Variants in ST8SIA1 observed in about 807,000 individuals in gnomAD.
ST8SIA1 encodes the protein ST8 alpha-N-acetyl-neuraminide alpha-2,8-sialyltransferase 1.
In ST8SIA1, 16 loss-of-function variants were observed where a neutral mutation model predicts 35.9. The ratio of observed to expected loss-of-function variants is 0.45; its 90% CI spans 0.30 to 0.68. The LOEUF is 0.68. ST8SIA1 is among the 30% of genes least tolerant of loss of function. The probability of loss-of-function intolerance (pLI) is 0.09; values close to 1 mark genes in which losing one functional copy is unlikely to be tolerated. For missense variants in ST8SIA1, 383 were observed against 453.6 expected, an observed-to-expected ratio of 0.84 and a Z score of 1.41; for synonymous variants, 170 against 169.6, an observed-to-expected ratio of 1.00 and a Z score of -0.02.
intron 2 of ST8SIA1, among the ~76,000 whole-genome samples, chr12:22,280,593 T>G (rs1255560799): frequency 6.6e-6 from 1 of 152,254 alleles, no homozygotes; most frequent in Non-Finnish European, 1.5e-5. Flanking sequence ...AGCATTCCTT[T>G]ATTTTTCATT....
Position 22,334,481 on chromosome 12 carries a change from T to C in ST8SIA1, c.-249A>G, listed in dbSNP as rs1329390825. 5.5e-6 allele frequency: 3 copies of C among 543,424 alleles called. No individual in the cohort carries two copies. The highest frequency in any genetic ancestry group is 9.9e-6 in the Non-Finnish European group (3 of 303,664). 33.7% of individuals were successfully genotyped at this position (543,424 alleles called of 1,614,324 possible). A position where few individuals can be genotyped will look rare whatever the true frequency, so the allele number is the denominator to read the frequency against. Reference sequence around the variant, plus strand: ...GGGGTGAAGTCACGATCTATGGCCATGGTCGCTTCCCCTGCAGAAGGCGGG... The same window carrying C: ...GGGGTGAAGTCACGATCTATGGCCACGGTCGCTTCCCCTGCAGAAGGCGGG... On this transcript the variant is annotated 5_prime_UTR_variant, in exon 1 of 5. The change abolishes an upstream ATG in the 5' untranslated region. Transcript: ENST00000396037.
Position 22,201,550 on chromosome 12 carries a change from T to C in ST8SIA1, c.*2A>G, listed in dbSNP as rs2120602080. On this transcript the variant is annotated 3_prime_UTR_variant, in exon 5 of 5. Coordinates refer to ENST00000396037, the MANE Select transcript of ST8SIA1 (RefSeq NM_003034.4). ...GTTCAGTCCTTTCTTCTTCCATTGT[T>C]CCTAGGAAGTGGGCTGGAGTGAGGT... 6.3e-7 allele frequency: 1 copy of C among 1,598,698 alleles called. No homozygotes were observed. Among genetic ancestry groups the C allele is most frequent in the Non-Finnish European group, 8.5e-7 (1 of 1,173,518 alleles).
intron 4 of ST8SIA1, among the ~76,000 whole-genome samples, chr12:22,228,180 C>G (rs1244065369): frequency 3.3e-5 from 5 of 152,192 alleles, no homozygotes; most frequent in African/African-American, 1.2e-4. Flanking sequence ...ATGGCCCTAG[C>G]CAGCTAAGAA....
intron 2 of ST8SIA1, among the ~76,000 whole-genome samples, chr12:22,261,322 T>A (rs928698664): frequency 1.3e-5 from 2 of 152,074 alleles, no homozygotes; most frequent in Admixed American, 6.5e-5. Context: ...TTTTTTTGTA[T>A]TTTTAGTAGA....
chr12:22,318,062 G>C (rs529290041), intron 1 of ST8SIA1, among the ~76,000 whole-genome samples: 3 of 152,220 alleles, frequency 2.0e-5, no homozygotes, highest in Admixed American at 2.0e-4. Flanking sequence ...TGGAAGAATA[G>C]ACATCAAAAT....
chr12:22,286,984 T>C (rs1231872602), intron 2 of ST8SIA1, among the ~76,000 whole-genome samples, 165 bp downstream of exon 2: 1 of 152,178 alleles, frequency 6.6e-6, no homozygotes, highest in African/African-American at 2.4e-5. Flanking sequence ...CAAAACACTG[T>C]GATTTATTCA....
chr12:22,302,037 C>A lies in ST8SIA1; in HGVS notation c.237-14744G>T, dbSNP rs148692877. Among the ~76,000 whole-genome samples, 24 of 152,278 alleles carry A rather than the reference C, an allele frequency of 1.6e-4. No homozygotes were observed. The East Asian group carries it at 4.2e-3, about 27-fold the overall frequency. ...ATCTGGGCAATATAATAAAGCAAAT[C>A]AGTCCTACCATGATTTGTCTTTAGT... is the stretch of plus-strand genomic sequence containing the variant. On this transcript the variant is annotated intron_variant, in intron 1 of 4. Coordinates refer to ENST00000396037, the MANE Select transcript of ST8SIA1 (RefSeq NM_003034.4).
intron 1 of ST8SIA1, 79 bp downstream of exon 1, chr12:22,333,918 G>A (rs1410668061): frequency 9.7e-6 from 12 of 1,235,500 alleles, no homozygotes; most frequent in East Asian, 2.3e-5. Context: ...GGTGCAAGGC[G>A]GTCCTCGCCG....
At chr12:22,250,565 C>T (rs111994204) in intron 3 of ST8SIA1, among the ~76,000 whole-genome samples, 1 of 152,134 alleles carries the variant, frequency 6.6e-6, no homozygotes, top group African/African-American at 2.4e-5. Flanking sequence ...CTTTTTATTA[C>T]TTCAGTAAAC....
In ST8SIA1 at chr12:22,286,592, T is replaced by C; in HGVS notation, c.381+557A>G. ...ATGTATATTAGAAAAACATTTTATTTCAATGCCCAGAAAACCAAGAATAAA... is the reference window on the plus strand; with the variant it reads ...ATGTATATTAGAAAAACATTTTATTCCAATGCCCAGAAAACCAAGAATAAA... On this transcript the variant is annotated intron_variant, in intron 2 of 4. Transcript: ENST00000396037. The C allele has an allele frequency of 6.2e-6, 3 of 486,298 alleles. No homozygotes were observed. The Admixed American group carries it at 6.8e-5, about 11-fold the overall frequency. The allele number at this position is 486,298 out of a possible 1,614,324, so 30.1% of individuals were successfully genotyped here.
chr12:22,234,342 T>C (rs376685223), intron 4 of ST8SIA1, among the ~76,000 whole-genome samples: 6 of 152,156 alleles, frequency 3.9e-5, no homozygotes, highest in African/African-American at 1.4e-4. Flanking sequence ...TCTATAATAG[T>C]ATTGTGAATA....
At chr12:22,254,692 T>C (rs1254870931) in intron 3 of ST8SIA1, among the ~76,000 whole-genome samples, 1 of 152,192 alleles carries the variant, frequency 6.6e-6, no homozygotes, top group Non-Finnish European at 1.5e-5. Context: ...TTCCTTTTCA[T>C]GCTCCCGCAG....
At chr12:22,286,552 C>A (rs1319235628) in intron 2 of ST8SIA1, 4 of 516,494 alleles carry the variant, frequency 7.7e-6, no homozygotes, top group Non-Finnish European at 1.5e-5. Context: ...CCTTTTCCCC[C>A]CTCTTGCTGC....
chr12:22,326,858 A>C (rs1866688437), intron 1 of ST8SIA1, among the ~76,000 whole-genome samples: 1 of 152,242 alleles, frequency 6.6e-6, no homozygotes, highest in South Asian at 2.1e-4. Flanking sequence ...TTATTTTACC[A>C]GAAATCTATC....
chr12:22,215,832 A>G (rs925352706), intron 4 of ST8SIA1, among the ~76,000 whole-genome samples: 18 of 152,220 alleles, frequency 1.2e-4, no homozygotes, highest in African/African-American at 4.3e-4. Flanking sequence ...AGGCTGAGCC[A>G]CATAAAGTGG....
chr12:22,269,283 A>G (rs1865884878), intron 2 of ST8SIA1, among the ~76,000 whole-genome samples: 1 of 152,172 alleles, frequency 6.6e-6, no homozygotes, highest in South Asian at 2.1e-4. Context: ...TGAAAAATTC[A>G]GGATTCTAAC....
At chr12:22,314,139 A>G (rs183382753) in intron 1 of ST8SIA1, among the ~76,000 whole-genome samples, 3 of 152,300 alleles carry the variant, frequency 2.0e-5, no homozygotes, top group Admixed American at 6.5e-5. Context: ...ATGTACAAAC[A>G]GCTGCTGCAA....
At chr12:22,283,418 A>G (rs1219982365) in intron 2 of ST8SIA1, among the ~76,000 whole-genome samples, 1 of 152,088 alleles carries the variant, frequency 6.6e-6, no homozygotes, top group Admixed American at 6.6e-5. Flanking sequence ...TAATTCCTGT[A>G]AACACTGGAC....
chr12:22,228,111 T>C (rs906029596), intron 4 of ST8SIA1, among the ~76,000 whole-genome samples: 21 of 152,210 alleles, frequency 1.4e-4, no homozygotes, highest in African/African-American at 4.6e-4. Flanking sequence ...TTGTGTATTG[T>C]GAAGTATGGT....
Sources: gnomAD v4.1 joint callset for allele counts (sites outside exome capture counted in the v4.1 genomes callset) on GRCh38, gnomAD v4.1.1 for gene constraint, MANE v1.5 for transcripts, NCBI Gene and HGNC (gene_info 2026-07-23, HGNC 2026-07-21) for gene names.